NCBP3: variants seen among roughly 807,000 people sequenced by gnomAD.
The protein encoded by NCBP3 is nuclear cap-binding protein subunit 3.
A neutral mutation model predicts 75.7 loss-of-function variants in NCBP3; 20 were observed. That is an observed-to-expected ratio of 0.26 (90% CI 0.19 to 0.38). The LOEUF is 0.38. NCBP3 is among the 10% of genes least tolerant of loss of function. The pLI is 1.00. For missense variants in NCBP3, 678 were observed against 796.9 expected (o/e 0.85, Z 1.80); for synonymous variants, 293 against 290.5 (o/e 1.01, Z -0.09).
chr17:3,819,381 C>T (rs1039961960), intron 9 of NCBP3, among the ~76,000 whole-genome samples: 1 of 152,062 alleles, frequency 6.6e-6, no homozygotes, highest in African/African-American at 2.4e-5. Flanking sequence ...CATGCTAATA[C>T]CCTGTCTCTA....
At chr17:3,819,959 T>C (rs1179112164) in intron 9 of NCBP3, among the ~76,000 whole-genome samples, 1 of 152,138 alleles carries the variant, frequency 6.6e-6, no homozygotes, top group Non-Finnish European at 1.5e-5. Context: ...TGTGTATTAT[T>C]ATTATTATTT....
At chr17:3,833,958 T>A (rs2053931292) in intron 3 of NCBP3, among the ~76,000 whole-genome samples, 1 of 152,214 alleles carries the variant, frequency 6.6e-6, no homozygotes, top group Non-Finnish European at 1.5e-5. Context: ...ATCTCTTTAC[T>A]TCCCTTAGGC....
rs935836337 is a variant in NCBP3, at chr17:3,810,314, G to T, written c.*2730C>A. 1.3e-5 allele frequency: 2 copies of T among 152,156 alleles called. No homozygotes were observed. The highest frequency in any genetic ancestry group is 2.9e-5 in the Non-Finnish European group (2 of 68,048). The allele number at this position is 152,156 out of a possible 1,614,324, so 9.4% of individuals were successfully genotyped here. On this transcript the variant is annotated 3_prime_UTR_variant, in exon 13 of 13. Coordinates refer to ENST00000389005, the MANE Select transcript of NCBP3 (RefSeq NM_001114118.3). Reference sequence around the variant, plus strand: ...GGGTTCACAGGATCAGACTACAAGGGGGCCAGAGGAGGAGACTACATCCTG... The same window carrying T: ...GGGTTCACAGGATCAGACTACAAGGTGGCCAGAGGAGGAGACTACATCCTG...
Position 3,814,381 on chromosome 17 carries a change from A to G in NCBP3, c.1568T>C (p.Leu523Pro). The part of the protein sequence containing the change: ...REPSSDVHSR[L>P]GVPRQDSKGL... ...TTTACTATCCTGCCTGGGAACACCT[A>G]GCCTACTATGCACATCAGAAGAGGG... The change falls in exon 12 of 13, where the codon CTA (leucine) becomes CCA (proline). Residue 523 changes from leucine (L) to proline (P), a missense_variant. This residue lies in a region of NCBP3 where 365 missense variants were observed against 392.7 expected (regional missense o/e 0.93). Transcript: ENST00000389005. 1.2e-6 allele frequency: 2 copies of G among 1,614,204 alleles called. No homozygotes were observed. Among genetic ancestry groups the G allele is most frequent in the African/African-American group, 2.7e-5 (2 of 75,052 alleles).
chr17:3,814,924 C>T (rs949620572), intron 11 of NCBP3, among the ~76,000 whole-genome samples: 1 of 152,128 alleles, frequency 6.6e-6, no homozygotes, highest in African/African-American at 2.4e-5. Context: ...ATGTGTTTTT[C>T]CCTCAATCCC....
At chr17:3,837,002 G>C (rs1482843813) in intron 3 of NCBP3, among the ~76,000 whole-genome samples, 1 of 151,000 alleles carries the variant, frequency 6.6e-6, no homozygotes, top group Non-Finnish European at 1.5e-5. Context: ...CAAAAAATTA[G>C]TTGGGCATGG....
intron 8 of NCBP3, 53 bp downstream of exon 8, chr17:3,821,900 T>C (rs909469334): frequency 1.7e-6 from 2 of 1,164,058 alleles, no homozygotes; most frequent in African/African-American, 1.5e-5. Flanking sequence ...GAATACCAAC[T>C]GAAGGATTAA....
rs147104004 is a variant in NCBP3, at chr17:3,815,931, T to C, written c.1465+185A>G. Among the ~76,000 whole-genome samples, 220 of 152,310 alleles carry C rather than the reference T, an allele frequency of 1.4e-3. 1 individual carries two copies. The East Asian group carries it at 0.019, about 13-fold the overall frequency. ...TTGGAATAAAAACATTTAAAGCTAG[T>C]TTTTCAGAAGTCTGATTATTTTTCA... On this transcript the variant is annotated intron_variant, in intron 11 of 12. Coordinates refer to ENST00000389005, the MANE Select transcript of NCBP3 (RefSeq NM_001114118.3).
intron 3 of NCBP3, among the ~76,000 whole-genome samples, chr17:3,834,751 T>TA: frequency 6.7e-6 from 1 of 149,662 alleles, no homozygotes; most frequent in African/African-American, 2.5e-5. Context: ...CTCTAAAAAA[T>TA]AAATAAATAA....
Position 3,813,046 on chromosome 17 carries a change from A to C in NCBP3, c.1861T>G (p.Ter621GlyextTer10). ...AGCTGCCATAGGCCCCAGGGGCATC[A>C]GGACTCTGCCTCTGAACCAGAGCTG... Reference protein sequence around the residue: ...ESSSGSEAES* With the variant: ...ESSSGSEAESG The change falls in exon 13 of 13, where the codon TGA becomes GGA. Residue 621 changes from the stop codon to glycine, a stop_lost. Transcript: ENST00000389005. 1 of 1,614,174 alleles carries C rather than the reference A, an allele frequency of 6.2e-7. No homozygotes were observed. Among genetic ancestry groups the C allele is most frequent in the South Asian group, 1.1e-5 (1 of 91,080 alleles).
In NCBP3 at chr17:3,803,178, T is replaced by C. The variant is rs1374953602; in HGVS notation, c.*9866A>G. Reference sequence around the variant, plus strand: ...AGACATGTGAATGTGGTTTCCCAACTCACTTTAAACAAATATTCCGGGACC... The same window carrying C: ...AGACATGTGAATGTGGTTTCCCAACCCACTTTAAACAAATATTCCGGGACC... On this transcript the variant is annotated 3_prime_UTR_variant, in exon 13 of 13. Transcript: ENST00000389005. 6.6e-6 allele frequency: 1 copy of C among 152,140 alleles called. No homozygotes were observed. The highest frequency in any genetic ancestry group is 2.4e-5 in the African/African-American group (1 of 41,426). 9.4% of individuals were successfully genotyped at this position (152,140 alleles called of 1,614,324 possible).
At chr17:3,821,065 A>C (rs1218425113) in intron 9 of NCBP3, among the ~76,000 whole-genome samples, 184 bp downstream of exon 9, 2 of 152,182 alleles carry the variant, frequency 1.3e-5, no homozygotes, top group Non-Finnish European at 2.9e-5. Flanking sequence ...TTATAAAATC[A>C]TTTGACCTCT....
chr17:3,841,873 T>TA (rs1389604931), intron 2 of NCBP3, among the ~76,000 whole-genome samples: 1 of 148,778 alleles, frequency 6.7e-6, no homozygotes, highest in African/African-American at 2.5e-5. Flanking sequence ...AGGCACGAAA[T>TA]ATATTTTTAT....
intron 2 of NCBP3, among the ~76,000 whole-genome samples, chr17:3,841,824 C>A: frequency 9.8e-6 from 1 of 101,802 alleles, no homozygotes; most frequent in African/African-American, 3.3e-5. Context: ...CAGAGTGAGA[C>A]TCTGTCTCAA....
At position 3,812,390 on chromosome 17, in the gene NCBP3, G is replaced by T. The variant is rs1597390407; in HGVS notation, c.*654C>A. 1 of 493,630 alleles carries T rather than the reference G, an allele frequency of 2.0e-6. No homozygotes were observed. The highest frequency in any genetic ancestry group is 2.6e-6 in the Non-Finnish European group (1 of 380,088). 30.6% of individuals were successfully genotyped at this position (493,630 alleles called of 1,614,324 possible). A position where few individuals can be genotyped will look rare whatever the true frequency, so the allele number is the denominator to read the frequency against. ...TTGTTCCTAAAAATCCCACAGCACT[G>T]AACTTGATCTTCACATCAAGCTGAC... On this transcript the variant is annotated 3_prime_UTR_variant, in exon 13 of 13. Coordinates refer to ENST00000389005, the MANE Select transcript of NCBP3 (RefSeq NM_001114118.3).
chr17:3,816,773 C>T (rs930725273), intron 10 of NCBP3, among the ~76,000 whole-genome samples: 1 of 152,258 alleles, frequency 6.6e-6, no homozygotes, highest in African/African-American at 2.4e-5. Flanking sequence ...CAGGCTCATG[C>T]CTGTAATCCC....
At chr17:3,841,927 A>G (rs1408609930) in intron 2 of NCBP3, among the ~76,000 whole-genome samples, 1 of 152,176 alleles carries the variant, frequency 6.6e-6, no homozygotes, top group East Asian at 1.9e-4. Context: ...ACTATTATTC[A>G]GAAATGTAAT....
At chr17:3,827,746 C>T (rs2053813201) in intron 4 of NCBP3, among the ~76,000 whole-genome samples, 1 of 152,136 alleles carries the variant, frequency 6.6e-6, no homozygotes, top group Admixed American at 6.6e-5. Flanking sequence ...AGAGTCCCTC[C>T]AATTCTAATA....
At position 3,814,502 on chromosome 17, in the gene NCBP3, T is replaced by C. The variant is rs1016108038; in HGVS notation, c.1466-19A>G. The C allele has an allele frequency of 6.2e-7, 1 of 1,613,334 alleles. No individual in the cohort carries two copies. Among genetic ancestry groups the C allele is most frequent in the South Asian group, 1.1e-5 (1 of 91,028 alleles). On this transcript the variant is annotated intron_variant, in intron 11 of 12. Transcript: ENST00000389005. ...CGTATATCTGAAAAAAGAGAAAAAG[T>C]GCACCAGTGACCGTGTGTGTGCTTT...
Sources: gnomAD v4.1 joint callset for allele counts (sites outside exome capture counted in the v4.1 genomes callset) on GRCh38, gnomAD v4.1.1 for gene constraint, gnomAD v4.1.1 regional missense constraint, MANE v1.5 for transcripts, NCBI Gene and HGNC (gene_info 2026-07-23, HGNC 2026-07-21) for gene names.